Variants in SHISA9 observed in about 807,000 individuals in gnomAD.
The protein encoded by SHISA9 is protein shisa-9.
A neutral mutation model predicts 38.0 loss-of-function variants in SHISA9; 13 were observed. The ratio of observed to expected loss-of-function variants is 0.34; its 90% CI spans 0.22 to 0.54. SHISA9 has a LOEUF of 0.54. SHISA9 is among the 20% of genes least tolerant of loss of function. SHISA9 has a pLI of 0.91. For missense variants in SHISA9, 538 were observed against 575.8 expected, an observed-to-expected ratio of 0.93 and a Z score of 0.67; for synonymous variants, 275 against 242.0, an observed-to-expected ratio of 1.14 and a Z score of -1.27.
At chr16:13,245,336 A>G (rs2142099169), downstream of SHISA9, among the ~76,000 whole-genome samples, 1 of 152,270 alleles carries the variant, frequency 6.6e-6, no homozygotes, top group South Asian at 2.1e-4. Context: ...CTACCCACAA[A>G]TCCCTCTGCA....
the SHISA9 span, among the ~76,000 whole-genome samples, chr16:13,264,664 T>C: frequency 6.6e-6 from 1 of 152,120 alleles, no homozygotes; most frequent in South Asian, 2.1e-4. Context: ...GATTTTTAGA[T>C]TTTCTTTCTA....
chr16:13,061,137 G>A (rs1486709963), intron 2 of SHISA9, among the ~76,000 whole-genome samples: 2 of 152,194 alleles, frequency 1.3e-5, no homozygotes, highest in Non-Finnish European at 2.9e-5. Flanking sequence ...GTTAAACATA[G>A]TAAACACAGG....
At chr16:13,181,312 T>C (rs6498386) in intron 2 of SHISA9, among the ~76,000 whole-genome samples, 2,080 of 32,810 alleles carry the variant, frequency 0.063, 74 homozygotes, top group African/African-American at 0.17. Context: ...TATATATATA[T>C]ACACACACAC....
rs759132103 is a variant in SHISA9 at position 13,091,507 on chromosome 16, A to G, written c.692-111887A>G. On this transcript the variant is annotated intron_variant, in intron 2 of 4. Transcript: ENST00000558583. Reference sequence around the variant, plus strand: ...GAGGCTTTGTTCATTTCTTTTTACAATTTTTTCTCTAAACTTCTCTTCTCA... The same window carrying G: ...GAGGCTTTGTTCATTTCTTTTTACAGTTTTTTCTCTAAACTTCTCTTCTCA... Among the ~76,000 whole-genome samples, 6 of 151,806 alleles carry G rather than the reference A, an allele frequency of 4.0e-5. No individual in the cohort carries two copies. The South Asian group carries it at 6.3e-4, about 16-fold the overall frequency.
chr16:12,901,598 A>G lies in SHISA9; in HGVS notation c.-467A>G, dbSNP rs987865045. ...CCCCCTTCCCTCCTGCCCTCCCTTCATTCCACAAGTGTCGCTTCGCTCTCT... is the reference window on the plus strand; with the variant it reads ...CCCCCTTCCCTCCTGCCCTCCCTTCGTTCCACAAGTGTCGCTTCGCTCTCT... On this transcript the variant is annotated 5_prime_UTR_variant, in exon 1 of 5. Transcript: ENST00000558583. The G allele has an allele frequency of 2.9e-5, 4 of 138,332 alleles. No individual in the cohort carries two copies. The highest frequency in any genetic ancestry group is 1.1e-4 in the African/African-American group (4 of 37,412). The allele number at this position is 138,332 out of a possible 1,614,324, so 8.6% of individuals were successfully genotyped here.
chr16:13,408,013 T>C, the SHISA9 span, among the ~76,000 whole-genome samples: 1 of 152,196 alleles, frequency 6.6e-6, no homozygotes, highest in Non-Finnish European at 1.5e-5. Flanking sequence ...GTCAGGGTTC[T>C]GGATGGCTTC....
At chr16:13,443,518 C>G in the SHISA9 span, among the ~76,000 whole-genome samples, 1 of 152,200 alleles carries the variant, frequency 6.6e-6, no homozygotes, top group African/African-American at 2.4e-5. Context: ...CCCTGATAAT[C>G]TTTAAAGTAG....
the SHISA9 span, among the ~76,000 whole-genome samples, chr16:13,468,251 T>A: frequency 6.6e-6 from 1 of 152,180 alleles, no homozygotes; most frequent in Non-Finnish European, 1.5e-5. Context: ...AATATATTTA[T>A]CTCCATTGAT....
intron 2 of SHISA9, among the ~76,000 whole-genome samples, chr16:12,951,505 C>T (rs1391538603): frequency 3.9e-5 from 6 of 152,192 alleles, no homozygotes; most frequent in African/African-American, 1.2e-4. Flanking sequence ...TCCAAGAAAA[C>T]ATTATTTGCA....
At chr16:13,005,320 G>T (rs4781379) in intron 2 of SHISA9, among the ~76,000 whole-genome samples, 55,594 of 151,912 alleles carry the variant, frequency 0.37, 10,770 homozygotes, top group African/African-American at 0.48. Context: ...ATAAGACAGA[G>T]GAGATCAGCT....
chr16:13,435,624 A>G, the SHISA9 span, among the ~76,000 whole-genome samples: 1 of 152,216 alleles, frequency 6.6e-6, no homozygotes, highest in Non-Finnish European at 1.5e-5. Flanking sequence ...TGAGGGGAAA[A>G]AAAAGAGTAC....
At chr16:13,420,992 A>G in the SHISA9 span, among the ~76,000 whole-genome samples, 19 of 152,210 alleles carry the variant, frequency 1.2e-4, no homozygotes, top group African/African-American at 4.1e-4. Context: ...CTTCACACAT[A>G]CCATGCAAGG....
At chr16:13,265,568 C>T in the SHISA9 span, among the ~76,000 whole-genome samples, 4 of 121,564 alleles carry the variant, frequency 3.3e-5, no homozygotes, top group African/African-American at 1.3e-4. Flanking sequence ...ACTCCCCTAC[C>T]TTCACCCCCT....
downstream of SHISA9, among the ~76,000 whole-genome samples, chr16:13,241,709 A>G (rs544081980): frequency 6.6e-6 from 1 of 152,262 alleles, no homozygotes; most frequent in Non-Finnish European, 1.5e-5. Flanking sequence ...ATGTCAAGCA[A>G]AGGGGAGATT....
At chr16:13,331,200 C>T in the SHISA9 span, among the ~76,000 whole-genome samples, 1 of 152,064 alleles carries the variant, frequency 6.6e-6, no homozygotes, top group Non-Finnish European at 1.5e-5. Flanking sequence ...AGAGGGAATG[C>T]AGAGGGCATG....
At chr16:13,105,370 C>T (rs2073916167) in intron 2 of SHISA9, among the ~76,000 whole-genome samples, 1 of 152,152 alleles carries the variant, frequency 6.6e-6, no homozygotes, top group South Asian at 2.1e-4. Flanking sequence ...CCAAGTGGGT[C>T]CTGTCTGGAC....
At chr16:13,141,461 C>A (rs185923635) in intron 2 of SHISA9, among the ~76,000 whole-genome samples, 1,893 of 151,962 alleles carry the variant, frequency 0.012, 24 homozygotes, top group South Asian at 0.024. Context: ...CCAAGGCAAG[C>A]AGATCATGAG....
chr16:13,063,537 G>T (rs1449853361), intron 2 of SHISA9, among the ~76,000 whole-genome samples: 2 of 152,086 alleles, frequency 1.3e-5, no homozygotes, highest in African/African-American at 4.8e-5. Flanking sequence ...TTCTTGTGGG[G>T]CGTCAATGAA....
intron 2 of SHISA9, among the ~76,000 whole-genome samples, chr16:13,135,320 C>T (rs1443345489): frequency 1.3e-5 from 2 of 152,182 alleles, no homozygotes; most frequent in Non-Finnish European, 2.9e-5. Context: ...CCACCTGGAT[C>T]CTTCTTCAAA....
Sources: allele counts gnomAD v4.1 joint callset (sites outside exome capture counted in the v4.1 genomes callset), GRCh38; gene constraint gnomAD v4.1.1; transcripts MANE v1.5; gene names NCBI Gene and HGNC (gene_info 2026-07-23, HGNC 2026-07-21).